Variants in NFASC observed in about 807,000 individuals in gnomAD.
The protein encoded by NFASC is neurofascin homolog.
NFASC carries 43 observed loss-of-function variants against 147.5 expected under a neutral mutation model. The observed-to-expected ratio is 0.29, with a 90% CI of 0.23 to 0.38. NFASC has a LOEUF of 0.38. Ranked by LOEUF, NFASC falls within the 10% of genes least tolerant of loss-of-function variation. The pLI is 1.00. For missense variants in NFASC, 1,320 were observed against 1,689.0 expected (o/e 0.78, Z 3.83); for synonymous variants, 622 against 665.5 (o/e 0.93, Z 1.01).
chr1:204,871,496 G>A (rs963812192), intron 1 of NFASC, among the ~76,000 whole-genome samples: 3 of 152,188 alleles, frequency 2.0e-5, no homozygotes, highest in African/African-American at 7.2e-5. Context: ...TGTGAAGCCT[G>A]TGTTAACTCT....
In NFASC at chr1:204,869,694, A is replaced by G. The variant is rs138088655; in HGVS notation, c.-200+40912A>G. Reference sequence around the variant, plus strand: ...TCCCGAGGCTCGCCTGCACTAAGTAACTTGCCCAAGGCAACATGGCCAATA... The same window carrying G: ...TCCCGAGGCTCGCCTGCACTAAGTAGCTTGCCCAAGGCAACATGGCCAATA... On this transcript the variant is annotated intron_variant, in intron 1 of 29. Coordinates refer to ENST00000339876, the MANE Select transcript of NFASC (RefSeq NM_001005388.3). Among the ~76,000 whole-genome samples the G allele has an allele frequency of 4.5e-3, 679 of 152,246 alleles. 4 individuals carry two copies. The highest frequency in any genetic ancestry group is 5.9e-3 in the Non-Finnish European group (400 of 68,014).
intron 1 of NFASC, among the ~76,000 whole-genome samples, chr1:204,836,925 C>A (rs1447495943): frequency 6.6e-6 from 1 of 152,180 alleles, no homozygotes; most frequent in African/African-American, 2.4e-5. Context: ...ATTTGAAGAC[C>A]CTGCTATGTG....
intron 23 of NFASC, chr1:204,990,339 C>G (rs115379577): frequency 3.9e-5 from 6 of 152,136 alleles, no homozygotes; most frequent in African/African-American, 1.4e-4. Flanking sequence ...GATGCACTTT[C>G]TTGATTACTC....
At chr1:204,873,640 C>T (rs949498830) in intron 1 of NFASC, among the ~76,000 whole-genome samples, 3 of 152,038 alleles carry the variant, frequency 2.0e-5, no homozygotes, top group African/African-American at 4.8e-5. Context: ...CAAGCATCTG[C>T]GGGTCATGTG....
Position 204,952,170 on chromosome 1 carries a change from G to A in NFASC, c.215+54G>A, listed in dbSNP as rs1573625917. ...AAACCACCCGCTTGCCTCTGGGCCT[G>A]ATGATAACTAAGGCAAATGAGGCAG... On this transcript the variant is annotated intron_variant, in intron 5 of 29. Coordinates refer to ENST00000339876, the MANE Select transcript of NFASC (RefSeq NM_001005388.3). The A allele has an allele frequency of 4.4e-6, 6 of 1,368,822 alleles. No individual in the cohort carries two copies. The East Asian group carries it at 1.4e-4, about 32-fold the overall frequency. 84.8% of individuals were successfully genotyped at this position (1,368,822 alleles called of 1,614,324 possible). A position where few individuals can be genotyped will look rare whatever the true frequency, so the allele number is the denominator to read the frequency against.
intron 4 of NFASC, among the ~76,000 whole-genome samples, chr1:204,951,030 T>G (rs1039912592): frequency 2.0e-5 from 3 of 152,218 alleles, no homozygotes; most frequent in Admixed American, 6.5e-5. Context: ...TTTCTTCCTT[T>G]ATTCATTCAA....
intron 1 of NFASC, among the ~76,000 whole-genome samples, chr1:204,907,093 A>G (rs2149276565): frequency 6.6e-6 from 1 of 152,218 alleles, no homozygotes; most frequent in East Asian, 1.9e-4. Flanking sequence ...AATGTATGTG[A>G]GTTCCAGTGG....
chr1:204,881,633 G>A (rs2080255451), intron 1 of NFASC, among the ~76,000 whole-genome samples: 1 of 152,112 alleles, frequency 6.6e-6, no homozygotes, highest in African/African-American at 2.4e-5. Flanking sequence ...GTCTGATGGG[G>A]GGAACCACGG....
chr1:204,844,836 A>G (rs552705823), intron 1 of NFASC, among the ~76,000 whole-genome samples: 129 of 152,188 alleles, frequency 8.5e-4, no homozygotes, highest in Admixed American at 2.0e-3. Flanking sequence ...GGGAGAGTTT[A>G]TCAGAGGCTT....
At chr1:205,007,645 C>T (rs1246414725) in intron 27 of NFASC, among the ~76,000 whole-genome samples, 1 of 152,062 alleles carries the variant, frequency 6.6e-6, no homozygotes, top group African/African-American at 2.4e-5. Flanking sequence ...TTCAGGAAGA[C>T]CTCTCTAGGA....
chr1:204,885,263 G>C (rs1414038276), intron 1 of NFASC, among the ~76,000 whole-genome samples: 2 of 152,078 alleles, frequency 1.3e-5, no homozygotes, highest in African/African-American at 4.8e-5. Flanking sequence ...CCCCTAAAGT[G>C]AACATTTTAG....
At position 204,935,489 on chromosome 1, in the gene NFASC, C is replaced by T. The variant is rs77973588; in HGVS notation, c.-90-8737C>T. Among the ~76,000 whole-genome samples the T allele has an allele frequency of 1.8e-3, 275 of 152,242 alleles. 7 individuals are homozygous for T. The East Asian group carries it at 0.046, about 25-fold the overall frequency. On this transcript the variant is annotated intron_variant, in intron 2 of 29. Transcript: ENST00000339876. ...GCATCTTATGTGATTGGTTTGGGAA[C>T]GTATTCAGCTTTCCTGGTCAGTTCT...
At chr1:204,878,221 C>T (rs973603981) in intron 1 of NFASC, among the ~76,000 whole-genome samples, 2 of 152,220 alleles carry the variant, frequency 1.3e-5, no homozygotes, top group African/African-American at 4.8e-5. Flanking sequence ...TTTTATACAG[C>T]AGCTCTGTGA....
At chr1:204,956,809 G>A (rs936951036) in intron 7 of NFASC, among the ~76,000 whole-genome samples, 15 of 152,118 alleles carry the variant, frequency 9.9e-5, no homozygotes, top group South Asian at 2.1e-4. Flanking sequence ...TGTGGGGATA[G>A]GAAGGAGACA....
At chr1:204,924,194 C>G (rs941824590) in intron 2 of NFASC, among the ~76,000 whole-genome samples, 1 of 152,180 alleles carries the variant, frequency 6.6e-6, no homozygotes, top group Non-Finnish European at 1.5e-5. Context: ...CTCCCCCATG[C>G]CTCCTGTATT....
chr1:204,980,310 C>T, intron 19 of NFASC, 60 bp from the exon 20 acceptor site: 1 of 1,371,372 alleles, frequency 7.3e-7, no homozygotes, highest in Non-Finnish European at 1.0e-6. Context: ...GAGGAAGGTT[C>T]CTTACCTTGC....
rs1445002602 is a variant in NFASC, at chr1:205,021,452, T to C, written c.*4913T>C. ...AGAATGGAAATAGGTACAAGGCATCTAGCTTAGGACAGAATCGGATTTCGG... is the reference window on the plus strand; with the variant it reads ...AGAATGGAAATAGGTACAAGGCATCCAGCTTAGGACAGAATCGGATTTCGG... On this transcript the variant is annotated 3_prime_UTR_variant, in exon 30 of 30. Coordinates refer to ENST00000339876, the MANE Select transcript of NFASC (RefSeq NM_001005388.3). 1.3e-5 allele frequency: 2 copies of C among 152,650 alleles called. No homozygotes were observed. Among genetic ancestry groups the C allele is most frequent in the Non-Finnish European group, 2.9e-5 (2 of 68,042 alleles). The allele number at this position is 152,650 out of a possible 1,614,324, so 9.5% of individuals were successfully genotyped here.
chr1:204,871,231 C>T (rs2077628428), intron 1 of NFASC, among the ~76,000 whole-genome samples: 2 of 152,176 alleles, frequency 1.3e-5, no homozygotes, highest in Non-Finnish European at 2.9e-5. Context: ...AGAATCTTCC[C>T]GGCCCAGGGA....
At chr1:204,963,841 GAC>G (rs2094809297) in intron 8 of NFASC, among the ~76,000 whole-genome samples, 1 of 152,234 alleles carries the variant, frequency 6.6e-6, no homozygotes, top group South Asian at 2.1e-4. Context: ...CAGGCATCTG[GAC>G]AGAGAGACTT....
Sources: allele counts gnomAD v4.1 joint callset (sites outside exome capture counted in the v4.1 genomes callset), GRCh38; gene constraint gnomAD v4.1.1; transcripts MANE v1.5; gene names NCBI Gene and HGNC (gene_info 2026-07-23, HGNC 2026-07-21).